FSTL4: variants seen among roughly 807,000 people sequenced by gnomAD.
The protein encoded by FSTL4 is follistatin like 4.
In FSTL4, 28 loss-of-function variants were observed where a neutral mutation model predicts 78.2. That is an observed-to-expected ratio of 0.36 (90% CI 0.27 to 0.49). FSTL4 has a LOEUF of 0.49. Ranked by LOEUF, FSTL4 falls within the 20% of genes least tolerant of loss-of-function variation. FSTL4 has a pLI of 0.98. For synonymous variants in FSTL4, 422 were observed against 440.5 expected (o/e 0.96, Z 0.53); for missense variants, 922 against 1,084.9 (o/e 0.85, Z 2.11).
At chr5:133,601,720 T>C (rs1282654388) in intron 2 of FSTL4, among the ~76,000 whole-genome samples, 1 of 149,876 alleles carries the variant, frequency 6.7e-6, no homozygotes, top group Admixed American at 6.7e-5. Flanking sequence ...TCTCACTCTG[T>C]CACCCAGGCT....
At chr5:133,332,148 C>T (rs1754363826) in intron 4 of FSTL4, among the ~76,000 whole-genome samples, 1 of 152,190 alleles carries the variant, frequency 6.6e-6, no homozygotes, top group Non-Finnish European at 1.5e-5. Flanking sequence ...GAAAGCCCTC[C>T]TCTTCCAGCG....
intron 3 of FSTL4, among the ~76,000 whole-genome samples, chr5:133,413,308 G>T (rs1047172193): frequency 7.0e-6 from 1 of 143,036 alleles, no homozygotes; most frequent in African/African-American, 2.7e-5. Flanking sequence ...TAATTTTAAA[G>T]AGTTTTTTAT....
chr5:133,417,118 C>A (rs1398938142), intron 3 of FSTL4, among the ~76,000 whole-genome samples: 1 of 152,146 alleles, frequency 6.6e-6, no homozygotes, highest in South Asian at 2.1e-4. Flanking sequence ...AAATTCATAT[C>A]TTTTTAAAAG....
intron 3 of FSTL4, among the ~76,000 whole-genome samples, chr5:133,478,368 C>T (rs1047809656): frequency 2.0e-5 from 3 of 152,188 alleles, no homozygotes; most frequent in Non-Finnish European, 4.4e-5. Flanking sequence ...GTGAGCAAGT[C>T]GTCTGTCTCT....
intron 4 of FSTL4, among the ~76,000 whole-genome samples, chr5:133,351,968 C>CTT (rs11418609): frequency 5.2e-4 from 78 of 151,392 alleles, no homozygotes; most frequent in African/African-American, 1.6e-3. Flanking sequence ...TAGTATGGCT[C>CTT]TTTTTTTTAT....
chr5:133,743,050 C>A, the FSTL4 span, among the ~76,000 whole-genome samples: 2 of 152,102 alleles, frequency 1.3e-5, no homozygotes, highest in African/African-American at 4.8e-5. Context: ...CCTATCAAAG[C>A]AATCATCTCT....
rs185866273 is a variant in FSTL4, at chr5:133,236,521, G to C, written c.895-2984C>G. 3.9e-5 allele frequency among the ~76,000 whole-genome samples: 6 copies of C among 152,280 alleles called. No homozygotes were observed. Among genetic ancestry groups the C allele is most frequent in the African/African-American group, 1.4e-4 (6 of 41,564 alleles). Reference sequence around the variant, plus strand: ...CTCCTTGCAGATTCATTCAGAGTGGGGTCTTCTCTCACCACCTCCATCGCT... The same window carrying C: ...CTCCTTGCAGATTCATTCAGAGTGGCGTCTTCTCTCACCACCTCCATCGCT... On this transcript the variant is annotated intron_variant, in intron 7 of 15. Transcript: ENST00000265342. The surrounding 1 kb of genome is among the most constrained non-coding windows in gnomAD (Gnocchi z 5.0).
chr5:133,356,125 CT>C (rs1264304527), intron 4 of FSTL4, among the ~76,000 whole-genome samples: 1 of 152,220 alleles, frequency 6.6e-6, no homozygotes, highest in Non-Finnish European at 1.5e-5. Flanking sequence ...GTAAGAAGTC[CT>C]GATCATGAAA....
chr5:133,801,763 C>A, the FSTL4 span, among the ~76,000 whole-genome samples: 1 of 152,192 alleles, frequency 6.6e-6, no homozygotes, highest in Non-Finnish European at 1.5e-5. Context: ...CAGACAGTAC[C>A]CATTCCTCTG....
At chr5:133,688,183 C>A in the FSTL4 span, among the ~76,000 whole-genome samples, 18 of 152,018 alleles carry the variant, frequency 1.2e-4, no homozygotes, top group Non-Finnish European at 2.4e-4. Context: ...TCGAGGCAGG[C>A]GGATCACTTG....
At chr5:133,724,011 C>T in the FSTL4 span, among the ~76,000 whole-genome samples, 1 of 152,230 alleles carries the variant, frequency 6.6e-6, no homozygotes, top group African/African-American at 2.4e-5. Flanking sequence ...GCTGTGCCAT[C>T]CTCAAGGATG....
intron 3 of FSTL4, among the ~76,000 whole-genome samples, chr5:133,428,619 C>T (rs1259136518): frequency 6.6e-6 from 1 of 152,194 alleles, no homozygotes; most frequent in Non-Finnish European, 1.5e-5. Flanking sequence ...GCCCTGAGCA[C>T]CAAGTGGTCA....
At chr5:133,200,939 T>G (rs1406271966) in intron 15 of FSTL4, among the ~76,000 whole-genome samples, 2 of 152,210 alleles carry the variant, frequency 1.3e-5, no homozygotes, top group Non-Finnish European at 2.9e-5. Flanking sequence ...CTGCAGAACC[T>G]CTGAGTGTGC....
chr5:133,393,470 C>T (rs1192098834), intron 4 of FSTL4, among the ~76,000 whole-genome samples: 1 of 152,176 alleles, frequency 6.6e-6, no homozygotes, highest in African/African-American at 2.4e-5. Context: ...AACAGCCAAA[C>T]CCTCTTCTGT....
the FSTL4 span, among the ~76,000 whole-genome samples, chr5:133,707,748 G>C: frequency 3.3e-5 from 5 of 152,122 alleles, no homozygotes; most frequent in African/African-American, 7.2e-5. Flanking sequence ...GGTACCCTGT[G>C]GGGTGAGGGC....
chr5:133,775,004 C>T, the FSTL4 span, among the ~76,000 whole-genome samples: 14 of 152,108 alleles, frequency 9.2e-5, no homozygotes, highest in African/African-American at 2.9e-4. Flanking sequence ...GTTGCTTTTC[C>T]TTCCACCATT....
intron 3 of FSTL4, among the ~76,000 whole-genome samples, chr5:133,422,086 T>C (rs1173398956): frequency 6.6e-6 from 1 of 151,380 alleles, no homozygotes; most frequent in Non-Finnish European, 1.5e-5. Flanking sequence ...GTCCCTCGGG[T>C]GGGAGTGAAT....
At chr5:133,370,425 T>C (rs1755269338) in intron 4 of FSTL4, among the ~76,000 whole-genome samples, 1 of 147,190 alleles carries the variant, frequency 6.8e-6, no homozygotes, top group Non-Finnish European at 1.5e-5. Flanking sequence ...AGAGTCCTAA[T>C]TTTTTTTTTA....
chr5:133,575,948 T>C (rs184354080), intron 2 of FSTL4, among the ~76,000 whole-genome samples: 2 of 152,334 alleles, frequency 1.3e-5, no homozygotes, highest in East Asian at 3.9e-4. Flanking sequence ...AAAATGTCAT[T>C]TAACCAATAC....
Sources: allele counts gnomAD v4.1 joint callset (sites outside exome capture counted in the v4.1 genomes callset), GRCh38; gene constraint gnomAD v4.1.1; non-coding constraint Gnocchi (gnomAD v3.1); transcripts MANE v1.5; gene names NCBI Gene and HGNC (gene_info 2026-07-23, HGNC 2026-07-21).